NHEJ1: variants seen among roughly 807,000 people sequenced by gnomAD.
NHEJ1 encodes non-homologous end joining factor 1.
NHEJ1 carries 22 observed loss-of-function variants against 39.4 expected under a neutral mutation model. The ratio of observed to expected loss-of-function variants is 0.56; its 90% confidence interval spans 0.40 to 0.80. The LOEUF is 0.80. Ranked by LOEUF, NHEJ1 falls within the 30% of genes least tolerant of loss-of-function variation. NHEJ1 has a pLI of 0.00. For synonymous variants in NHEJ1, 154 were observed against 135.6 expected (o/e 1.14, Z -0.94); for missense variants, 329 against 357.1 (o/e 0.92, Z 0.63).
chr2:219,131,259 T>C (rs979526069), intron 5 of NHEJ1, among the ~76,000 whole-genome samples: 7 of 152,202 alleles, frequency 4.6e-5, no homozygotes, highest in Admixed American at 2.6e-4. Flanking sequence ...ACTCTATACA[T>C]TGCGGGGGTC....
intron 5 of NHEJ1, among the ~76,000 whole-genome samples, chr2:219,128,013 T>G (rs963830129): frequency 1.3e-5 from 2 of 152,210 alleles, no homozygotes; most frequent in Non-Finnish European, 2.9e-5. Context: ...GAGAATTCCT[T>G]TTCCTACTCA....
At chr2:219,132,991 C>T (rs1283010854) in intron 5 of NHEJ1, among the ~76,000 whole-genome samples, 1 of 152,230 alleles carries the variant, frequency 6.6e-6, no homozygotes, top group East Asian at 1.9e-4. Flanking sequence ...TAAGTACTGT[C>T]CATAAACAGT....
In NHEJ1 at chr2:219,077,330, T is replaced by C; in HGVS notation, c.741A>G (p.Gln247=). 2 of 1,614,098 alleles carry C rather than the reference T, an allele frequency of 1.2e-6. No individual in the cohort carries two copies. The highest frequency in any genetic ancestry group is 1.7e-6 in the Non-Finnish European group (2 of 1,180,002). ...GGTTTACACATTGGCTATCGATTCCTTGCAGGGAAGCACTGTTTGAGGTAT... is the reference window on the plus strand; with the variant it reads ...GGTTTACACATTGGCTATCGATTCCCTGCAGGGAAGCACTGTTTGAGGTAT... ...DPHTSNSASL[Q]GIDSQCVNQP... Residue 247 remains glutamine, a synonymous_variant, in exon 7 of 8, where the codon CAA becomes CAG. Coordinates refer to ENST00000356853, the MANE Select transcript of NHEJ1 (RefSeq NM_024782.3).
intron 3 of NHEJ1, among the ~76,000 whole-genome samples, chr2:219,151,310 T>C (rs1949793101): frequency 6.6e-6 from 1 of 152,112 alleles, no homozygotes; most frequent in Non-Finnish European, 1.5e-5. Context: ...ACTCCTAAAT[T>C]AATAACCAGC....
At chr2:219,131,706 A>T (rs1460681712) in intron 5 of NHEJ1, among the ~76,000 whole-genome samples, 1 of 152,228 alleles carries the variant, frequency 6.6e-6, no homozygotes, top group Non-Finnish European at 1.5e-5. Context: ...TTAATTACAT[A>T]AAAGTTTTTC....
intron 5 of NHEJ1, among the ~76,000 whole-genome samples, chr2:219,138,902 T>C (rs781706138): frequency 6.6e-6 from 1 of 152,190 alleles, no homozygotes; most frequent in Non-Finnish European, 1.5e-5. Flanking sequence ...CTCCAAATTC[T>C]TTGACACAGC....
intron 5 of NHEJ1, among the ~76,000 whole-genome samples, chr2:219,082,430 T>C (rs1047247537): frequency 3.3e-5 from 5 of 152,222 alleles, no homozygotes; most frequent in African/African-American, 1.2e-4. Flanking sequence ...CCCAAGACTC[T>C]CTCAGGATTT....
At chr2:219,092,816 A>G (rs1559188915) in intron 5 of NHEJ1, among the ~76,000 whole-genome samples, 1 of 152,164 alleles carries the variant, frequency 6.6e-6, no homozygotes, top group South Asian at 2.1e-4. Flanking sequence ...AGGAGTAGAA[A>G]CAAATTGGCT....
intron 5 of NHEJ1, among the ~76,000 whole-genome samples, chr2:219,120,219 T>G (rs1949458380): frequency 6.6e-6 from 1 of 152,220 alleles, no homozygotes; most frequent in South Asian, 2.1e-4. Context: ...TTCATTCATT[T>G]AACAATTTCT....
intron 5 of NHEJ1, among the ~76,000 whole-genome samples, chr2:219,090,308 CTTAG>C (rs1002369469): frequency 2.6e-5 from 4 of 152,130 alleles, no homozygotes; most frequent in Admixed American, 1.3e-4. Context: ...ATCTCTAAGC[CTTAG>C]TTTCTTCAGC....
intron 3 of NHEJ1, among the ~76,000 whole-genome samples, chr2:219,151,934 C>T (rs768691688): frequency 6.6e-5 from 10 of 152,158 alleles, no homozygotes; most frequent in South Asian, 2.1e-4. Flanking sequence ...TGCCACTGCA[C>T]TCCAGCCTGG....
rs1355012364 is a variant in NHEJ1 at position 219,159,602 on chromosome 2, C to CAT, written c.-1+1116_-1+1117dup. The stretch of plus-strand genomic sequence containing the variant: ...ATATATATATGCATATATATATATG[C>CAT]ATATATATACATATACGTGGTGATC... On this transcript the variant is annotated intron_variant, in intron 1 of 7. Coordinates refer to ENST00000356853, the MANE Select transcript of NHEJ1 (RefSeq NM_024782.3). Among the ~76,000 whole-genome samples, 125 of 126,644 alleles carry CAT rather than the reference C, an allele frequency of 9.9e-4. 6 individuals are homozygous for CAT. The highest frequency in any genetic ancestry group is 3.1e-3 in the African/African-American group (102 of 32,464). The allele number at this position is 126,644 out of a possible 152,430, so 83.1% of individuals were successfully genotyped here.
chr2:219,093,683 T>C (rs546342826), intron 5 of NHEJ1, among the ~76,000 whole-genome samples: 2 of 152,314 alleles, frequency 1.3e-5, no homozygotes, highest in East Asian at 3.9e-4. Context: ...AGGAACTGAA[T>C]GTTACTATTA....
At chr2:219,142,408 G>C (rs950327164) in intron 5 of NHEJ1, among the ~76,000 whole-genome samples, 1 of 152,176 alleles carries the variant, frequency 6.6e-6, no homozygotes, top group African/African-American at 2.4e-5. Flanking sequence ...GAGCCTGGCC[G>C]CGTCTGGTTT....
At chr2:219,110,335 G>GA (rs1357589382) in intron 5 of NHEJ1, among the ~76,000 whole-genome samples, 1 of 151,996 alleles carries the variant, frequency 6.6e-6, no homozygotes, top group Non-Finnish European at 1.5e-5. Flanking sequence ...GTGTAACATG[G>GA]AAAAATCCCG....
chr2:219,108,538 A>G (rs561306301), intron 5 of NHEJ1, among the ~76,000 whole-genome samples: 2 of 152,228 alleles, frequency 1.3e-5, no homozygotes, highest in African/African-American at 4.8e-5. Flanking sequence ...TCCACAAAAA[A>G]GTACCCAGGC....
intron 5 of NHEJ1, among the ~76,000 whole-genome samples, chr2:219,137,546 A>G (rs752773588): frequency 8.8e-5 from 13 of 148,108 alleles, no homozygotes; most frequent in Non-Finnish European, 1.8e-4. Flanking sequence ...ATTGAACTAA[A>G]TGGAGAAATA....
At position 219,069,965 on chromosome 2, in the gene NHEJ1, A is replaced by G. The variant is rs534377621; in HGVS notation, c.*6416T>C. Among the ~76,000 whole-genome samples the G allele has an allele frequency of 6.6e-6, 1 of 152,348 alleles. No individual in the cohort carries two copies. Among genetic ancestry groups the G allele is most frequent in the African/African-American group, 2.4e-5 (1 of 41,584 alleles). On this transcript the variant is annotated 3_prime_UTR_variant, in exon 8 of 8. Coordinates refer to ENST00000356853, the MANE Select transcript of NHEJ1 (RefSeq NM_024782.3). ...TTGTAGGAAATGTATTGGGAATGAG[A>G]TAGAGAAATCCACATTCAACAAGAA...
At chr2:219,142,758 C>T (rs1949703536) in intron 5 of NHEJ1, among the ~76,000 whole-genome samples, 1 of 152,194 alleles carries the variant, frequency 6.6e-6, no homozygotes, top group Non-Finnish European at 1.5e-5. Flanking sequence ...TGCCTCTCAA[C>T]CCCCAGTCCT....
Sources: allele counts gnomAD v4.1 joint callset (sites outside exome capture counted in the v4.1 genomes callset), GRCh38; gene constraint gnomAD v4.1.1; transcripts MANE v1.5; gene names NCBI Gene and HGNC (gene_info 2026-07-23, HGNC 2026-07-21).